The following MDGA2 variants were observed in gnomAD, a reference collection of about 807,000 sequenced individuals.
The protein encoded by MDGA2 is MAM domain-containing glycosylphosphatidylinositol anchor protein 2.
In MDGA2, 40 loss-of-function variants were observed where a neutral mutation model predicts 117.8. That is an observed-to-expected ratio of 0.34 (90% CI 0.26 to 0.44). The LOEUF (loss-of-function observed/expected upper bound fraction) is 0.44, where lower values mean the gene tolerates loss of function less well. Among genes scored for constraint, MDGA2 ranks in the 20% least tolerant of loss-of-function variants. The pLI is 1.00. For synonymous variants in MDGA2, 452 were observed against 439.0 expected, an observed-to-expected ratio of 1.03 and a Z score of -0.37; for missense variants, 1,123 against 1,250.6, an observed-to-expected ratio of 0.90 and a Z score of 1.54.
At chr14:46,963,591 G>C (rs1449685951) in intron 8 of MDGA2, among the ~76,000 whole-genome samples, 1 of 152,132 alleles carries the variant, frequency 6.6e-6, no homozygotes, top group Non-Finnish European at 1.5e-5. Context: ...TTCTGCCTGA[G>C]ATGTTCTTTC....
chr14:47,558,753 A>G (rs1895736760), intron 1 of MDGA2, among the ~76,000 whole-genome samples: 1 of 152,218 alleles, frequency 6.6e-6, no homozygotes, highest in Non-Finnish European at 1.5e-5. Context: ...CAGAGAAGAA[A>G]TAGATATTAA....
rs528116436 is a variant in MDGA2 at position 47,345,362 on chromosome 14, T to C, written c.281-43812A>G. Among the ~76,000 whole-genome samples the C allele has an allele frequency of 3.9e-5, 6 of 152,256 alleles. No homozygotes were observed. The South Asian group carries it at 1.2e-3, about 32-fold the overall frequency. ...TAGGAAGGTAAGAATTACAATCTGG[T>C]TTTATAAAATAATGAAAGTTAAAGG... On this transcript the variant is annotated intron_variant, in intron 1 of 16. Transcript: ENST00000399232.
chr14:47,548,210 T>G (rs764693258), intron 1 of MDGA2, among the ~76,000 whole-genome samples: 17 of 152,210 alleles, frequency 1.1e-4, no homozygotes, highest in Non-Finnish European at 2.4e-4. Context: ...CATAGTTTCC[T>G]TTAGTTTGGT....
intron 9 of MDGA2, among the ~76,000 whole-genome samples, chr14:46,932,923 G>T (rs1884634506): frequency 6.6e-6 from 1 of 151,898 alleles, no homozygotes; most frequent in Non-Finnish European, 1.5e-5. Flanking sequence ...GTTCAGTAAG[G>T]TTGTAAGCAA....
intron 1 of MDGA2, among the ~76,000 whole-genome samples, chr14:47,493,792 C>A (rs1237306166): frequency 6.6e-6 from 1 of 151,952 alleles, no homozygotes; most frequent in African/African-American, 2.4e-5. Context: ...ATAACAAATG[C>A]AATTTTTGAT....
chr14:47,474,623 G>T (rs1229846236), intron 1 of MDGA2, among the ~76,000 whole-genome samples: 3 of 152,092 alleles, frequency 2.0e-5, no homozygotes, highest in Non-Finnish European at 4.4e-5. Flanking sequence ...TCACGGTACT[G>T]GTCCAAAAAC....
chr14:47,670,217 T>C (rs144810125), intron 1 of MDGA2, among the ~76,000 whole-genome samples: 28 of 152,328 alleles, frequency 1.8e-4, no homozygotes, highest in Non-Finnish European at 4.1e-4. Flanking sequence ...TTCTGAAAGC[T>C]ATTTTTGGAC....
chr14:47,622,611 T>TG (rs139415141), intron 1 of MDGA2, among the ~76,000 whole-genome samples: 14,469 of 152,118 alleles, frequency 0.095, 930 homozygotes, highest in African/African-American at 0.17. Context: ...TTAAAGGTGG[T>TG]GGGGGACGAA....
rs543639828 is a variant in MDGA2 at position 47,114,031 on chromosome 14, C to CT, written c.926-16909dup. Among the ~76,000 whole-genome samples, 8 of 152,204 alleles carry CT rather than the reference C, an allele frequency of 5.3e-5. 1 individual carries two copies. In the South Asian group the frequency reaches 1.7e-3, roughly 32 times the overall value. On this transcript the variant is annotated intron_variant, in intron 5 of 16. Coordinates refer to ENST00000399232, the MANE Select transcript of MDGA2 (RefSeq NM_001113498.3). ...CCCCATCATCTCACCCCTAATGCTT[C>CT]TTAAGGTGATAAGCAACTTCAGCAA...
rs1196509408 is a variant in MDGA2, at chr14:47,280,314, C to CAAAAAAAAAAAA, written c.420+21085_420+21096dup. ...GGGCAACAAAAGTGAAACTCCATCT[C>CAAAAAAAAAAAA]AAAAAAAAAAAAAAAAAAAAAAAAA... On this transcript the variant is annotated intron_variant, in intron 2 of 16. Transcript: ENST00000399232. 2.8e-4 allele frequency among the ~76,000 whole-genome samples: 10 copies of CAAAAAAAAAAAA among 35,832 alleles called. 2 individuals carry two copies. The highest frequency in any genetic ancestry group is 7.3e-4 in the African/African-American group (6 of 8,194). The allele number at this position is 35,832 out of a possible 152,430, so 23.5% of individuals were successfully genotyped here.
At chr14:47,460,060 A>C (rs1349639725) in intron 1 of MDGA2, among the ~76,000 whole-genome samples, 1 of 152,120 alleles carries the variant, frequency 6.6e-6, no homozygotes. Context: ...CAAAATAAAT[A>C]TTTTCATTGA....
intron 1 of MDGA2, among the ~76,000 whole-genome samples, chr14:47,382,450 A>T (rs1043992441): frequency 1.3e-5 from 2 of 152,194 alleles, no homozygotes; most frequent in African/African-American, 4.8e-5. Context: ...TTTACAATCT[A>T]CCCATCTGAC....
intron 4 of MDGA2, among the ~76,000 whole-genome samples, chr14:47,138,530 T>C (rs1266765382): frequency 6.6e-6 from 1 of 152,108 alleles, no homozygotes; most frequent in African/African-American, 2.4e-5. Flanking sequence ...TTATCTGCAA[T>C]ACATATATTT....
In MDGA2 at chr14:47,061,544, A is replaced by T; in HGVS notation, c.1230T>A (p.Asp410Glu). Residue 410 changes from aspartate to glutamate, a missense_variant, in exon 7 of 17, where the codon GAT becomes GAA. Asp to Glu is a conservative substitution (Grantham distance 45). Coordinates refer to ENST00000399232, the MANE Select transcript of MDGA2 (RefSeq NM_001113498.3). The part of the protein sequence containing the change: ...LKKGRFWITP[D>E]PYHKDDNIQI... The stretch of plus-strand genomic sequence containing the variant: ...GGATGTTGTCATCTTTGTGATAAGG[A>T]TCTGGTGTGATCCAAAATCGTCCTT... 6.2e-7 allele frequency: 1 copy of T among 1,611,906 alleles called. No individual in the cohort carries two copies. The highest frequency in any genetic ancestry group is 8.5e-7 in the Non-Finnish European group (1 of 1,178,576).
At chr14:46,902,501 G>GA (rs1412189743) in intron 10 of MDGA2, among the ~76,000 whole-genome samples, 3 of 151,860 alleles carry the variant, frequency 2.0e-5, no homozygotes, top group Admixed American at 6.6e-5. Flanking sequence ...CTCTTTGAAG[G>GA]AAAAAATCTT....
chr14:47,657,415 C>T (rs1897765003), intron 1 of MDGA2, among the ~76,000 whole-genome samples: 2 of 152,136 alleles, frequency 1.3e-5, no homozygotes, highest in Admixed American at 1.3e-4. Context: ...AGACATTATC[C>T]ATATACTGAA....
At chr14:46,944,686 T>G (rs529597431) in intron 9 of MDGA2, among the ~76,000 whole-genome samples, 1 of 152,120 alleles carries the variant, frequency 6.6e-6, no homozygotes, top group South Asian at 2.1e-4. Flanking sequence ...TTGTTTTCAA[T>G]TTTACCAGTC....
At chr14:47,609,428 C>CACATATATATATATATACATATAT (rs1477357010) in intron 1 of MDGA2, among the ~76,000 whole-genome samples, 1 of 17,558 alleles carries the variant, frequency 5.7e-5, no homozygotes, top group Non-Finnish European at 1.4e-4. Flanking sequence ...AGTATTCCAT[C>CACATATATATATATATACATATAT]ATATATATAT....
At chr14:47,057,090 C>G (rs1266888651) in intron 7 of MDGA2, among the ~76,000 whole-genome samples, 3 of 151,994 alleles carry the variant, frequency 2.0e-5, no homozygotes, top group Non-Finnish European at 2.9e-5. Flanking sequence ...CAATGAATAT[C>G]AGCCCTACAG....
Sources: allele counts gnomAD v4.1 joint callset (sites outside exome capture counted in the v4.1 genomes callset), GRCh38; gene constraint gnomAD v4.1.1; transcripts MANE v1.5; gene names NCBI Gene and HGNC (gene_info 2026-07-23, HGNC 2026-07-21).